Variants in MTREX observed in about 807,000 individuals in gnomAD.
MTREX encodes Mtr4 exosome RNA helicase.
A neutral mutation model predicts 135.4 loss-of-function variants in MTREX; 76 were observed. The observed-to-expected ratio is 0.56, with a 90% CI of 0.47 to 0.68. The LOEUF is 0.68. Among genes scored for constraint, MTREX ranks in the 30% least tolerant of loss-of-function variants. The pLI is 0.00. For synonymous variants in MTREX, 404 were observed against 401.6 expected (o/e 1.01, Z -0.07); for missense variants, 920 against 1,262.1 (o/e 0.73, Z 4.11).
At chr5:55,389,497 G>A (rs903463645) in intron 19 of MTREX, among the ~76,000 whole-genome samples, 2 of 152,114 alleles carry the variant, frequency 1.3e-5, no homozygotes, top group Non-Finnish European at 2.9e-5. Context: ...TTGGCAAGGG[G>A]TGGGGGGTTG....
chr5:55,308,242 G>A (rs1749003097), intron 1 of MTREX, 95 bp downstream of exon 1: 1 of 1,403,298 alleles, frequency 7.1e-7, no homozygotes, highest in African/African-American at 1.5e-5. Context: ...AAAGTGAAGT[G>A]TACATTGAGT....
At chr5:55,346,402 T>C (rs1749733379) in intron 10 of MTREX, among the ~76,000 whole-genome samples, 1 of 152,196 alleles carries the variant, frequency 6.6e-6, no homozygotes, top group Non-Finnish European at 1.5e-5. Context: ...AATGGGTAAA[T>C]GAAACAGATT....
At chr5:55,379,334 T>G in intron 18 of MTREX, 139 bp downstream of exon 18, 1 of 553,284 alleles carries the variant, frequency 1.8e-6, no homozygotes, top group Non-Finnish European at 3.2e-6. Context: ...AATTAATTTT[T>G]GGAATACACC....
intron 19 of MTREX, among the ~76,000 whole-genome samples, chr5:55,394,531 A>G (rs1462163591): frequency 6.6e-6 from 1 of 152,146 alleles, no homozygotes; most frequent in African/African-American, 2.4e-5. Context: ...CATAACGACC[A>G]GGCGACCTAG....
At position 55,378,454 on chromosome 5, in the gene MTREX, T is replaced by C. The variant is rs774628703; in HGVS notation, c.1951T>C (p.Leu651=). The change falls in exon 17 of 27, where the codon TTA becomes CTA. Residue 651 remains leucine, a synonymous_variant. Transcript: ENST00000230640. ...ATATATTCACAAACCAAAATACTGCTTACCTTTTCTACAACCAGGTCGTTT... is the reference window on the plus strand; with the variant it reads ...ATATATTCACAAACCAAAATACTGCCTACCTTTTCTACAACCAGGTCGTTT... The part of the protein sequence containing the change: ...EEYIHKPKYC[L]PFLQPGRLVK... 1 of 1,610,164 alleles carries C rather than the reference T, an allele frequency of 6.2e-7. No homozygotes were observed. The highest frequency in any genetic ancestry group is 1.3e-5 in the African/African-American group (1 of 74,902).
At chr5:55,405,229 A>G in intron 21 of MTREX, 196 bp from the exon 22 acceptor site, 2 of 468,464 alleles carry the variant, frequency 4.3e-6, no homozygotes, top group Non-Finnish European at 3.8e-6. Flanking sequence ...CAGATACATC[A>G]TTACTCTTGT....
rs187312030 is a variant in MTREX at position 55,422,612 on chromosome 5, C to T, written c.2972-266C>T. On this transcript the variant is annotated intron_variant, in intron 25 of 26. Transcript: ENST00000230640. ...TTTGCAGCCTTCACCCAAAGTTGCT[C>T]CCTCCTTCTAGGGCATTTTGTTTTC... Among the ~76,000 whole-genome samples the T allele has an allele frequency of 1.5e-4, 23 of 152,242 alleles. No homozygotes were observed. The East Asian group carries it at 4.4e-3, about 29-fold the overall frequency.
At chr5:55,363,078 AT>A (rs11311135) in intron 15 of MTREX, among the ~76,000 whole-genome samples, 19,675 of 152,130 alleles carry the variant, frequency 0.13, 1,512 homozygotes, top group East Asian at 0.26. Flanking sequence ...AATGAATCAA[AT>A]TTTCCTGAAT....
chr5:55,425,381 CTACA>C lies in MTREX; in HGVS notation c.*614_*617del. On this transcript the variant is annotated 3_prime_UTR_variant, in exon 27 of 27. Transcript: ENST00000230640. ...GGTATAATTTAGATCAAGTTAAAAACTACATACAAAGTTGTGATCAACAGCATCC... is the reference window on the plus strand; with the variant it reads ...GGTATAATTTAGATCAAGTTAAAAACTACAAAGTTGTGATCAACAGCATCC... 2.0e-6 allele frequency: 3 copies of C among 1,502,498 alleles called. No individual in the cohort carries two copies. Among genetic ancestry groups the C allele is most frequent in the African/African-American group, 2.8e-5 (2 of 71,442 alleles). The allele number at this position is 1,502,498 out of a possible 1,614,324, so 93.1% of individuals were successfully genotyped here.
intron 15 of MTREX, among the ~76,000 whole-genome samples, chr5:55,364,265 A>G (rs140228105): frequency 3.3e-5 from 5 of 152,306 alleles, no homozygotes; most frequent in African/African-American, 1.2e-4. Flanking sequence ...AAGCTTATTA[A>G]CTTGATTGCT....
At position 55,349,595 on chromosome 5, in the gene MTREX, A is replaced by G; in HGVS notation, c.1263A>G (p.Glu421=). 3 of 1,602,468 alleles carry G rather than the reference A, an allele frequency of 1.9e-6. No individual in the cohort carries two copies. Among genetic ancestry groups the G allele is most frequent in the African/African-American group, 2.7e-5 (2 of 74,708 alleles). Reference sequence around the variant, plus strand: ...TAGATGAAGAAAAGAAGATGGTTGAAGAAGTATTCAGTAATGCAATTGATT... The same window carrying G: ...TAGATGAAGAAAAGAAGATGGTTGAGGAAGTATTCAGTAATGCAATTGATT... ...FNTDEEKKMV[E]EVFSNAIDCL... is the part of the protein sequence containing the mutation. Residue 421 remains glutamate, a synonymous_variant, in exon 12 of 27, where the codon GAA becomes GAG. Coordinates refer to ENST00000230640, the MANE Select transcript of MTREX (RefSeq NM_015360.5).
intron 18 of MTREX, 46 bp from the exon 19 acceptor site, chr5:55,387,928 G>T (rs751185561): frequency 7.9e-6 from 12 of 1,520,414 alleles, no homozygotes; most frequent in Non-Finnish European, 1.1e-5. Flanking sequence ...AAATTTATGG[G>T]CCAGTTTCTT....
chr5:55,412,254 A>G (rs1175555791), intron 23 of MTREX, among the ~76,000 whole-genome samples: 1 of 152,182 alleles, frequency 6.6e-6, no homozygotes. Flanking sequence ...AATATAGTAA[A>G]ATACTTGTTA....
At chr5:55,355,604 A>G (rs1281112105) in intron 14 of MTREX, among the ~76,000 whole-genome samples, 6 of 152,190 alleles carry the variant, frequency 3.9e-5, no homozygotes. Context: ...CAGCATGGCC[A>G]CACCATCTAG....
chr5:55,358,056 G>A (rs987930638), intron 14 of MTREX, among the ~76,000 whole-genome samples: 6 of 152,136 alleles, frequency 3.9e-5, no homozygotes, highest in African/African-American at 1.2e-4. Context: ...TGCTGTTTTC[G>A]CTGGGCGTGG....
chr5:55,349,509 A>G (rs914170442), intron 11 of MTREX, 64 bp from the exon 12 acceptor site: 1 of 862,608 alleles, frequency 1.2e-6, no homozygotes, highest in Non-Finnish European at 2.0e-6. Context: ...TATTCTTTGT[A>G]ATGTGTGAAG....
At chr5:55,378,855 C>T (rs901677669) in intron 17 of MTREX, among the ~76,000 whole-genome samples, 12 of 152,026 alleles carry the variant, frequency 7.9e-5, no homozygotes, top group African/African-American at 2.9e-4. Flanking sequence ...TGATTTATAT[C>T]CTTGGAACAT....
intron 18 of MTREX, among the ~76,000 whole-genome samples, chr5:55,383,712 T>G (rs1224307697): frequency 6.6e-6 from 1 of 152,198 alleles, no homozygotes; most frequent in Non-Finnish European, 1.5e-5. Context: ...TTTATGGCTA[T>G]GTAGATGAAT....
At chr5:55,373,490 C>T (rs1299607204) in intron 16 of MTREX, among the ~76,000 whole-genome samples, 1 of 151,998 alleles carries the variant, frequency 6.6e-6, no homozygotes, top group Non-Finnish European at 1.5e-5. Flanking sequence ...ATGGTGCACT[C>T]CATCTCTGTG....
Sources: allele counts gnomAD v4.1 joint callset (sites outside exome capture counted in the v4.1 genomes callset), GRCh38; gene constraint gnomAD v4.1.1; transcripts MANE v1.5; gene names NCBI Gene and HGNC (gene_info 2026-07-23, HGNC 2026-07-21).